Variants in EHMT2 observed in about 807,000 individuals in gnomAD.
EHMT2 encodes the protein histone-lysine N-methyltransferase EHMT2.
Under a neutral mutation model 143.3 loss-of-function variants are expected in EHMT2, and 59 were observed. That is an observed-to-expected ratio of 0.41 (90% CI 0.33 to 0.51). The LOEUF is 0.51. EHMT2 is among the 20% of genes least tolerant of loss of function. The pLI is 0.18. For synonymous variants in EHMT2, 604 were observed against 651.5 expected (o/e 0.93, Z 1.11); for missense variants, 1,174 against 1,645.9 (o/e 0.71, Z 4.96).
Position 31,896,827 on chromosome 6 carries a change from G to A in EHMT2, c.110-3C>T, listed in dbSNP as rs1437208217. ...GGTGTCCCCCAAAGAGCCATGAACT[G>A]TAGAGGAAGAGAAAAAGTTCAGAGC... On this transcript the variant is annotated splice_polypyrimidine_tract_variant and splice_region_variant and intron_variant, in intron 2 of 27. Transcript: ENST00000375537. 3.1e-6 allele frequency: 5 copies of A among 1,612,864 alleles called. No individual in the cohort carries two copies. In the Admixed American group the frequency reaches 5.0e-5, roughly 16 times the overall value.
At chr6:31,892,175 G>A (rs374849334) in intron 7 of EHMT2, among the ~76,000 whole-genome samples, 2 of 152,206 alleles carry the variant, frequency 1.3e-5, no homozygotes. Flanking sequence ...CCTGGAGACA[G>A]AGGTTGCAGT....
chr6:31,885,159 G>T, intron 18 of EHMT2, 143 bp from the exon 19 acceptor site: 1 of 1,164,834 alleles, frequency 8.6e-7, no homozygotes, highest in Non-Finnish European at 1.2e-6. Flanking sequence ...AACGTCTCTG[G>T]GTCGCAGTTT....
intron 18 of EHMT2, chr6:31,886,143 G>C (rs1189318893): frequency 6.0e-6 from 1 of 167,116 alleles, no homozygotes; most frequent in Non-Finnish European, 1.3e-5. Context: ...AGAAATGGTG[G>C]ATTCTGAGTT....
intron 25 of EHMT2, among the ~76,000 whole-genome samples, chr6:31,882,276 C>G (rs1262727189): frequency 2.0e-5 from 3 of 152,098 alleles, no homozygotes; most frequent in Non-Finnish European, 2.9e-5. Context: ...TAGCTGTTAT[C>G]ACCTCCACTC....
chr6:31,896,819 C>A, exon 3 of EHMT2: 1 of 1,612,944 alleles, frequency 6.2e-7, no homozygotes, highest in Non-Finnish European at 8.5e-7. Flanking sequence ...CCCAAAGAGC[C>A]ATGAACTGTA....
chr6:31,885,270 G>C (rs185142184), intron 18 of EHMT2: 1 of 419,962 alleles, frequency 2.4e-6, no homozygotes, highest in Non-Finnish European at 4.2e-6. Flanking sequence ...GAGGTCAGGA[G>C]ATGGAGGCCA....
Position 31,883,815 on chromosome 6 carries a change from G to A in EHMT2, c.2907C>T (p.Thr969=), listed in dbSNP as rs2151600693. The A allele has an allele frequency of 2.5e-6, 4 of 1,613,844 alleles. No individual in the cohort carries two copies. Among genetic ancestry groups the A allele is most frequent in the Non-Finnish European group, 3.4e-6 (4 of 1,179,910 alleles). The change falls in exon 22 of 28, where the codon ACC becomes ACT. Residue 969 remains threonine, a synonymous_variant. Coordinates refer to ENST00000375537, the Ensembl canonical transcript of EHMT2. The surrounding 1 kb of genome is among the most constrained non-coding windows in gnomAD (Gnocchi z 5.6). ...CGGGCCCCCTACTCACCTGCAGGTG[G>A]GTGATGTTGCGATCGATGTTCATGG...
rs747187833 is a variant in EHMT2 at position 31,889,032 on chromosome 6, T to C, written c.1153A>G (p.Met385Val). Residue 385 changes from methionine to valine, a missense_variant, in exon 10 of 28, where the codon ATG becomes GTG. Around this residue, in one of 6 missense-constraint regions of EHMT2, gnomAD observed 608 missense variants for 903.7 expected, o/e 0.67. Coordinates refer to ENST00000375537, the Ensembl canonical transcript of EHMT2. The surrounding 1 kb of genome is among the most constrained non-coding windows in gnomAD (Gnocchi z 5.1). ...TCCAGGGACCCCAGAGGGACCTCCA[T>C]GTACTCACTGGGGCCTGAGGAGCCC... 4 of 1,604,660 alleles carry C rather than the reference T, an allele frequency of 2.5e-6. No homozygotes were observed. Among genetic ancestry groups the C allele is most frequent in the African/African-American group, 1.3e-5 (1 of 74,840 alleles).
chr6:31,894,562 G>A (rs918983183), intron 4 of EHMT2, among the ~76,000 whole-genome samples: 1 of 152,070 alleles, frequency 6.6e-6, no homozygotes, highest in South Asian at 2.1e-4. Flanking sequence ...GATTACAGGC[G>A]TGAGCCACTG....
Position 31,881,205 on chromosome 6 carries a change from G to T in EHMT2, c.3198-113C>A. ...AATCTGGAATGGGCAGGGCTGGCAGGTGTGGGGAAGGGAAGGCCTGGAGCA... is the reference window on the plus strand; with the variant it reads ...AATCTGGAATGGGCAGGGCTGGCAGTTGTGGGGAAGGGAAGGCCTGGAGCA... On this transcript the variant is annotated intron_variant, in intron 25 of 27. Transcript: ENST00000375537. This position sits in a 1 kb window ranked among gnomAD's most constrained non-coding sequence, Gnocchi z 4.8. 1 of 937,266 alleles carries T rather than the reference G, an allele frequency of 1.1e-6. No homozygotes were observed. Among genetic ancestry groups the T allele is most frequent in the Non-Finnish European group, 1.7e-6 (1 of 580,400 alleles). 58.1% of individuals were successfully genotyped at this position (937,266 alleles called of 1,614,324 possible).
chr6:31,896,660 C>A lies in EHMT2; in HGVS notation c.274G>T (p.Glu92Ter). The A allele has an allele frequency of 6.3e-7, 1 of 1,599,118 alleles. No individual in the cohort carries two copies. Among genetic ancestry groups the A allele is most frequent in the South Asian group, 1.1e-5 (1 of 89,318 alleles). The change falls in exon 3 of 28, where the codon GAA becomes TAA. Residue 92 changes from glutamate (E) to a stop codon, truncating the protein, a stop_gained. Transcript: ENST00000375537. LOFTEE classifies it high-confidence loss of function. Reference sequence around the variant, plus strand: ...CCATCTCCCTCAAGATTCTCAGATTCATCCCCAATGAGTGGTGTAGCCCCT... The same window carrying A: ...CCATCTCCCTCAAGATTCTCAGATTAATCCCCAATGAGTGGTGTAGCCCCT...
chr6:31,883,404 G>A lies in EHMT2; in HGVS notation c.2952C>T (p.Asn984=), dbSNP rs745424500. 6.2e-7 allele frequency: 1 copy of A among 1,612,988 alleles called. No individual in the cohort carries two copies. Among genetic ancestry groups the A allele is most frequent in the South Asian group, 1.1e-5 (1 of 91,056 alleles). ...GGATGCTGAGCTGGCCGCACAGGCA[G>A]TTGGAGCTAGAGCAGTCGTCCACAC... The change falls in exon 23 of 28, where the codon AAC becomes AAT. Residue 984 remains asparagine, a synonymous_variant. Transcript: ENST00000375537. The surrounding 1 kb of genome is among the most constrained non-coding windows in gnomAD (Gnocchi z 5.6).
chr6:31,897,111 C>G (rs534294301), intron 1 of EHMT2, 122 bp from the exon 2 acceptor site: 12 of 1,423,610 alleles, frequency 8.4e-6, no homozygotes, highest in South Asian at 3.3e-5. Flanking sequence ...TCTGTGGGGC[C>G]CCCCCCTTCC....
chr6:31,889,812 C>T lies in EHMT2; in HGVS notation c.865-210G>A, dbSNP rs1216033367. ...AAAAAGTTACAGACAGCAATGTGCA[C>T]AGATCTTGGTAATGTGATATTAAGT... On this transcript the variant is annotated intron_variant, in intron 7 of 27. Coordinates refer to ENST00000375537, the Ensembl canonical transcript of EHMT2. This position sits in a 1 kb window ranked among gnomAD's most constrained non-coding sequence, Gnocchi z 5.1. Among the ~76,000 whole-genome samples, 1 of 152,122 alleles carries T rather than the reference C, an allele frequency of 6.6e-6. No individual in the cohort carries two copies.
Position 31,888,196 on chromosome 6 carries a change from C to A in EHMT2, c.1590G>T (p.Met530Ile), listed in dbSNP as rs868196201. Reference sequence around the variant, plus strand: ...CCTCCCCACAGTGGGGACAGAAGACCATCCCATTCAGCTGAGACACACAGG... The same window carrying A: ...CCTCCCCACAGTGGGGACAGAAGACAATCCCATTCAGCTGAGACACACAGG... Residue 530 changes from methionine (M) to isoleucine (I), a missense_variant, in exon 13 of 28, where the codon ATG becomes ATT. Met to Ile is a conservative substitution (Grantham distance 10). Transcript: ENST00000375537. The surrounding 1 kb of genome is among the most constrained non-coding windows in gnomAD (Gnocchi z 7.4). 6.2e-7 allele frequency: 1 copy of A among 1,613,008 alleles called. No individual in the cohort carries two copies.
At chr6:31,893,156 C>T in intron 4 of EHMT2, 1 of 538,696 alleles carries the variant, frequency 1.9e-6, no homozygotes, top group Non-Finnish European at 3.3e-6. Context: ...GATGAGAAAA[C>T]AAAGCTTAAT....
rs760995202 is a variant in EHMT2, at chr6:31,887,559, G to A, written c.2011+18C>T. 30 of 1,611,618 alleles carry A rather than the reference G, an allele frequency of 1.9e-5. No homozygotes were observed. The highest frequency in any genetic ancestry group is 5.5e-5 in the South Asian group (5 of 91,058). On this transcript the variant is annotated intron_variant, in intron 15 of 27. Coordinates refer to ENST00000375537, the Ensembl canonical transcript of EHMT2. ...TGAAGCTTGGTCAAGGTCTGCTGAA[G>A]GAATGGGTGGCACTCACACAGCATC...
Position 31,884,252 on chromosome 6 carries a change from G to C in EHMT2, c.2771+140C>G, listed in dbSNP as rs1764506141. 1 of 1,003,448 alleles carries C rather than the reference G, an allele frequency of 1.0e-6. No homozygotes were observed. The highest frequency in any genetic ancestry group is 1.6e-5 in the African/African-American group (1 of 61,906). The allele number at this position is 1,003,448 out of a possible 1,614,324, so 62.2% of individuals were successfully genotyped here. ...TGCTGTATCTGGCAACCCTAGTGGG[G>C]AGGGGGCCTGTGGGTGGTTCTGGGG... On this transcript the variant is annotated intron_variant, in intron 21 of 27. Transcript: ENST00000375537. The surrounding 1 kb of genome is among the most constrained non-coding windows in gnomAD (Gnocchi z 7.3).
Position 31,883,644 on chromosome 6 carries a change from C to T in EHMT2, c.2916+162G>A, listed in dbSNP as rs1764412548. On this transcript the variant is annotated intron_variant, in intron 22 of 27. Coordinates refer to ENST00000375537, the Ensembl canonical transcript of EHMT2. The surrounding 1 kb of genome is among the most constrained non-coding windows in gnomAD (Gnocchi z 5.6). ...AGCTCATATGATACCTTGCTGTGAC[C>T]TAGGAAAAGGATCCCTCCCCTGGTG... 27 of 1,149,992 alleles carry T rather than the reference C, an allele frequency of 2.3e-5. No homozygotes were observed. Among genetic ancestry groups the T allele is most frequent in the Non-Finnish European group, 3.3e-5 (26 of 794,810 alleles). The allele number at this position is 1,149,992 out of a possible 1,614,324, so 71.2% of individuals were successfully genotyped here.
Sources: allele counts gnomAD v4.1 joint callset (sites outside exome capture counted in the v4.1 genomes callset), GRCh38; gene constraint gnomAD v4.1.1; regional missense constraint gnomAD v4.1.1; non-coding constraint Gnocchi (gnomAD v3.1); transcripts MANE v1.5; gene names NCBI Gene and HGNC (gene_info 2026-07-23, HGNC 2026-07-21).